Variants in CSMD1 observed in about 807,000 individuals in gnomAD.
CSMD1 encodes CUB and sushi domain-containing protein 1.
CSMD1 carries 213 observed loss-of-function variants against 417.5 expected under a neutral mutation model. The observed-to-expected ratio is 0.51, with a 90% CI of 0.46 to 0.57. CSMD1 has a LOEUF of 0.57. Among genes scored for constraint, CSMD1 ranks in the 20% least tolerant of loss-of-function variants. CSMD1 has a pLI of 0.00. For missense variants in CSMD1, 6,923 were observed against 4,529.7 expected, an observed-to-expected ratio of 1.53 and a Z score of -15.17; for synonymous variants, 2,862 against 1,736.8, an observed-to-expected ratio of 1.65 and a Z score of -16.11.
chr8:4,734,457 C>T (rs1311075029), intron 1 of CSMD1, among the ~76,000 whole-genome samples: 1 of 152,012 alleles, frequency 6.6e-6, no homozygotes, highest in African/African-American at 2.4e-5. Context: ...AATTCTGTGA[C>T]TAATAACTTT....
At chr8:3,503,928 G>C (rs1563101260) in intron 10 of CSMD1, among the ~76,000 whole-genome samples, 1 of 151,666 alleles carries the variant, frequency 6.6e-6, no homozygotes, top group East Asian at 2.0e-4. Flanking sequence ...CCACATGAGT[G>C]AGAATATGGA....
chr8:4,955,107 G>T (rs1048920219), intron 1 of CSMD1, among the ~76,000 whole-genome samples: 1 of 152,070 alleles, frequency 6.6e-6, no homozygotes, highest in Non-Finnish European at 1.5e-5. Context: ...TCACAGAAAT[G>T]GCTTTAAATG....
At chr8:4,979,094 A>G (rs555119868) in intron 1 of CSMD1, among the ~76,000 whole-genome samples, 1 of 152,278 alleles carries the variant, frequency 6.6e-6, no homozygotes, top group South Asian at 2.1e-4. Context: ...GTGTTAAATG[A>G]TGTTAAAACA....
intron 1 of CSMD1, among the ~76,000 whole-genome samples, chr8:4,973,291 A>G (rs1354864341): frequency 1.3e-5 from 2 of 152,172 alleles, no homozygotes; most frequent in African/African-American, 2.4e-5. Context: ...CTTTAGGTAC[A>G]TGATAACTGC....
At chr8:4,332,574 C>G (rs879388615) in intron 3 of CSMD1, among the ~76,000 whole-genome samples, 2,473 of 133,354 alleles carry the variant, frequency 0.019, 33 homozygotes, top group Middle Eastern at 0.041. Flanking sequence ...CACACACACA[C>G]ACACACACAC....
In CSMD1 at chr8:4,108,682, T is replaced by C. The variant is rs898631256; in HGVS notation, c.416-76583A>G. On this transcript the variant is annotated intron_variant, in intron 3 of 69. Coordinates refer to ENST00000635120, the MANE Select transcript of CSMD1 (RefSeq NM_033225.6). ...TTTCGACAAATTATTTTCCCCCTTT[T>C]AGAACAGTTAAGCAGACAATACTTA... Among the ~76,000 whole-genome samples the C allele has an allele frequency of 1.3e-5, 2 of 152,188 alleles. 1 individual carries two copies. The highest frequency in any genetic ancestry group is 4.8e-5 in the African/African-American group (2 of 41,458).
intron 2 of CSMD1, among the ~76,000 whole-genome samples, chr8:4,601,380 T>C (rs1022670169): frequency 6.6e-6 from 1 of 152,320 alleles, no homozygotes; most frequent in South Asian, 2.1e-4. Context: ...TCTGTTATCA[T>C]GGCATTTGCA....
At chr8:4,156,177 G>A (rs888035257) in intron 3 of CSMD1, among the ~76,000 whole-genome samples, 1 of 152,152 alleles carries the variant, frequency 6.6e-6, no homozygotes, top group Admixed American at 6.5e-5. Flanking sequence ...TGAGGGGTGT[G>A]GGAACAAGGT....
chr8:4,023,948 G>A (rs11775915), intron 4 of CSMD1, among the ~76,000 whole-genome samples: 2 of 151,562 alleles, frequency 1.3e-5, no homozygotes, highest in African/African-American at 4.8e-5. Flanking sequence ...GCAGACTTTA[G>A]ATACATTAAG....
At chr8:4,850,380 A>ATATTTTTTTTT (rs1403352847) in intron 1 of CSMD1, among the ~76,000 whole-genome samples, 5 of 82,762 alleles carry the variant, frequency 6.0e-5, no homozygotes, top group African/African-American at 1.5e-4. Context: ...AATCCAATTT[A>ATATTTTTTTTT]TCTTTTTTTT....
intron 26 of CSMD1, among the ~76,000 whole-genome samples, chr8:3,274,645 G>C (rs938525069): frequency 5.3e-5 from 8 of 152,080 alleles, no homozygotes; most frequent in Non-Finnish European, 1.0e-4. Context: ...AGGATAGTTA[G>C]CCCTTCTTGT....
intron 40 of CSMD1, among the ~76,000 whole-genome samples, chr8:3,150,268 G>A (rs866417914): frequency 6.6e-6 from 1 of 152,106 alleles, no homozygotes; most frequent in African/African-American, 2.4e-5. Context: ...GACCACCACC[G>A]TGGCCTCCTA....
intron 21 of CSMD1, among the ~76,000 whole-genome samples, chr8:3,353,460 T>G (rs543837702): frequency 1.3e-5 from 2 of 152,172 alleles, no homozygotes; most frequent in Non-Finnish European, 2.9e-5. Flanking sequence ...GCTGTGCAGG[T>G]GGCCTCCTAG....
intron 51 of CSMD1, among the ~76,000 whole-genome samples, chr8:3,021,188 T>C (rs568287134): frequency 1.5e-4 from 23 of 152,360 alleles, no homozygotes; most frequent in African/African-American, 5.5e-4. Context: ...CTGTTTCTAT[T>C]GTTGAAGCCT....
intron 2 of CSMD1, among the ~76,000 whole-genome samples, chr8:4,582,362 A>G (rs1239992182): frequency 6.6e-6 from 1 of 152,210 alleles, no homozygotes; most frequent in Non-Finnish European, 1.5e-5. Context: ...ATTACAAGAT[A>G]AACATAATTG....
chr8:4,212,257 A>C (rs752949341), intron 3 of CSMD1, among the ~76,000 whole-genome samples: 1 of 151,396 alleles, frequency 6.6e-6, no homozygotes, highest in Admixed American at 6.6e-5. Flanking sequence ...CCTTTAACTG[A>C]CTGACTCAGA....
intron 20 of CSMD1, among the ~76,000 whole-genome samples, chr8:3,360,603 G>C (rs1045934787): frequency 2.6e-5 from 4 of 152,214 alleles, no homozygotes; most frequent in Admixed American, 6.5e-5. Context: ...GTTTCAGAGA[G>C]AATCTTGAAA....
chr8:4,797,490 G>C (rs1248162343), intron 1 of CSMD1, among the ~76,000 whole-genome samples: 1 of 152,112 alleles, frequency 6.6e-6, no homozygotes, highest in Non-Finnish European at 1.5e-5. Flanking sequence ...AAGTCATTGT[G>C]GTCTTTGCCA....
chr8:4,565,544 G>A (rs567838140), intron 2 of CSMD1, among the ~76,000 whole-genome samples: 5 of 151,796 alleles, frequency 3.3e-5, no homozygotes, highest in Non-Finnish European at 7.4e-5. Context: ...AGACAAGCCT[G>A]GCCAACATGG....
Sources: allele counts gnomAD v4.1 joint callset (sites outside exome capture counted in the v4.1 genomes callset), GRCh38; gene constraint gnomAD v4.1.1; transcripts MANE v1.5; gene names NCBI Gene and HGNC (gene_info 2026-07-23, HGNC 2026-07-21).